The following ABCA13 variants were observed in gnomAD, a reference collection of about 807,000 sequenced individuals.
The protein encoded by ABCA13 is ATP-binding cassette sub-family A member 13.
In ABCA13, 476 loss-of-function variants were observed where a neutral mutation model predicts 478.7. That is an observed-to-expected ratio of 0.99 (90% CI 0.92 to 1.07). The LOEUF (loss-of-function observed/expected upper bound fraction) is 1.07, where lower values mean the gene tolerates loss of function less well. Ranked by LOEUF, ABCA13 falls within the 50% of genes least tolerant of loss-of-function variation. The probability of loss-of-function intolerance (pLI) is 0.00; values close to 1 mark genes in which losing one functional copy is unlikely to be tolerated. For missense variants in ABCA13, 6,060 were observed against 5,910.6 expected, an observed-to-expected ratio of 1.03 and a Z score of -0.83; for synonymous variants, 2,252 against 2,158.9, an observed-to-expected ratio of 1.04 and a Z score of -1.20.
At chr7:48,475,326 C>A (rs1191221993) in intron 45 of ABCA13, among the ~76,000 whole-genome samples, 1 of 152,110 alleles carries the variant, frequency 6.6e-6, no homozygotes, top group African/African-American at 2.4e-5. Flanking sequence ...AGACCCAAGG[C>A]CAGTTCTCTG....
At chr7:48,638,460 G>C (rs1794858918) in intron 59 of ABCA13, among the ~76,000 whole-genome samples, 1 of 152,202 alleles carries the variant, frequency 6.6e-6, no homozygotes, top group Non-Finnish European at 1.5e-5. Context: ...TATTGAGGCT[G>C]TTTTCAAAGA....
chr7:48,494,275 C>T (rs2130742821), intron 48 of ABCA13, among the ~76,000 whole-genome samples: 1 of 152,164 alleles, frequency 6.6e-6, no homozygotes, highest in South Asian at 2.1e-4. Context: ...AAATGAGAAA[C>T]CTGCTAAAAT....
At chr7:48,241,229 C>T (rs1195250848) in intron 10 of ABCA13, among the ~76,000 whole-genome samples, 163 bp downstream of exon 10, 1 of 152,130 alleles carries the variant, frequency 6.6e-6, no homozygotes, top group African/African-American at 2.4e-5. Context: ...GGACCATCAC[C>T]AGGGTAGAAG....
At chr7:48,343,936 T>A (rs1807653004) in intron 29 of ABCA13, among the ~76,000 whole-genome samples, 2 of 152,236 alleles carry the variant, frequency 1.3e-5, no homozygotes, top group South Asian at 4.1e-4. Flanking sequence ...TTTTTACCTC[T>A]CTATAAAAAT....
chr7:48,314,211 T>G (rs1802206320), intron 25 of ABCA13, 21 bp from the exon 26 acceptor site: 1 of 1,604,730 alleles, frequency 6.2e-7, no homozygotes, highest in African/African-American at 1.3e-5. Context: ...TAATTGCAAT[T>G]TAGTTTTCTT....
intron 48 of ABCA13, among the ~76,000 whole-genome samples, chr7:48,503,251 T>A (rs940133433): frequency 2.0e-5 from 3 of 152,152 alleles, no homozygotes; most frequent in Admixed American, 2.0e-4. Flanking sequence ...CATGCCCTGA[T>A]AATTAAAACA....
At chr7:48,267,472 T>C (rs1795019262) in intron 15 of ABCA13, among the ~76,000 whole-genome samples, 1 of 152,132 alleles carries the variant, frequency 6.6e-6, no homozygotes, top group South Asian at 2.1e-4. Context: ...GTTAGAGTGG[T>C]ATGCCTTTTC....
At chr7:48,563,089 A>G (rs1393172073) in intron 55 of ABCA13, among the ~76,000 whole-genome samples, 2 of 152,130 alleles carry the variant, frequency 1.3e-5, no homozygotes, top group African/African-American at 4.8e-5. Context: ...TAAATATGCA[A>G]TGCATGGCCA....
chr7:48,201,220 G>C (rs1041449485), intron 3 of ABCA13, among the ~76,000 whole-genome samples: 6 of 152,188 alleles, frequency 3.9e-5, no homozygotes, highest in African/African-American at 1.4e-4. Flanking sequence ...CTTGAGCAAA[G>C]GCGTGTCTAA....
At chr7:48,362,619 T>C (rs1435567391) in intron 31 of ABCA13, among the ~76,000 whole-genome samples, 1 of 151,702 alleles carries the variant, frequency 6.6e-6, no homozygotes, top group East Asian at 1.9e-4. Flanking sequence ...CTTGTGTTTC[T>C]TATGCTTATA....
intron 15 of ABCA13, among the ~76,000 whole-genome samples, chr7:48,259,694 A>G (rs1401948486): frequency 6.7e-6 from 1 of 149,304 alleles, no homozygotes; most frequent in Non-Finnish European, 1.5e-5. Flanking sequence ...GTTTCTTTGT[A>G]ATGTTAATGA....
intron 53 of ABCA13, among the ~76,000 whole-genome samples, chr7:48,520,702 C>T (rs1289519269): frequency 1.3e-5 from 2 of 152,124 alleles, no homozygotes; most frequent in African/African-American, 2.4e-5. Flanking sequence ...TCCCTCCCCT[C>T]TCCAACCACC....
intron 59 of ABCA13, among the ~76,000 whole-genome samples, chr7:48,631,666 C>A (rs1794176981): frequency 6.6e-6 from 1 of 151,458 alleles, no homozygotes; most frequent in South Asian, 2.1e-4. Context: ...TTTTTGGTTC[C>A]ATATGAGTTT....
intron 20 of ABCA13, among the ~76,000 whole-genome samples, chr7:48,294,959 C>T (rs1327304489): frequency 2.0e-5 from 3 of 152,104 alleles, no homozygotes; most frequent in Non-Finnish European, 2.9e-5. Context: ...TCTTTAGAAA[C>T]ATTTTGGCTG....
At chr7:48,379,228 A>G (rs537653584) in intron 35 of ABCA13, among the ~76,000 whole-genome samples, 14 of 152,358 alleles carry the variant, frequency 9.2e-5, no homozygotes, top group Admixed American at 2.0e-4. Flanking sequence ...ATATTCTTAA[A>G]TTGCACAAAG....
At chr7:48,457,281 A>G (rs1836092) in intron 43 of ABCA13, among the ~76,000 whole-genome samples, 28,505 of 151,882 alleles carry the variant, frequency 0.19, 3,103 homozygotes, top group African/African-American at 0.29. Context: ...TCATCTATAT[A>G]TATATAAGTG....
At chr7:48,567,327 G>A (rs1787174607) in intron 55 of ABCA13, among the ~76,000 whole-genome samples, 1 of 152,160 alleles carries the variant, frequency 6.6e-6, no homozygotes, top group Non-Finnish European at 1.5e-5. Context: ...GCCTTGGGCA[G>A]TGCAGAGGCT....
chr7:48,472,660 A>G (rs964856308), intron 45 of ABCA13, among the ~76,000 whole-genome samples: 5 of 152,150 alleles, frequency 3.3e-5, no homozygotes, highest in African/African-American at 9.7e-5. Flanking sequence ...GTCATTTTGC[A>G]GTGAAGTGCA....
intron 55 of ABCA13, among the ~76,000 whole-genome samples, chr7:48,539,873 C>G (rs1055706206): frequency 1.3e-5 from 2 of 152,202 alleles, no homozygotes; most frequent in African/African-American, 4.8e-5. Flanking sequence ...TCAAATCTAT[C>G]TTGCTCCAAA....
Sources: gnomAD v4.1 joint callset for allele counts (sites outside exome capture counted in the v4.1 genomes callset) on GRCh38, gnomAD v4.1.1 for gene constraint, MANE v1.5 for transcripts, NCBI Gene and HGNC (gene_info 2026-07-23, HGNC 2026-07-21) for gene names.